Variants in NRG1 observed in about 807,000 individuals in gnomAD.
NRG1 encodes pro-neuregulin-1, membrane-bound isoform.
NRG1 carries 18 observed loss-of-function variants against 63.8 expected under a neutral mutation model. That is an observed-to-expected ratio of 0.28 (90% CI 0.19 to 0.42). The LOEUF (loss-of-function observed/expected upper bound fraction) is 0.42. Among genes scored for constraint, NRG1 ranks in the 10% least tolerant of loss-of-function variants. The probability of loss-of-function intolerance (pLI) is 1.00; values close to 1 mark genes in which losing one functional copy is unlikely to be tolerated. For missense variants in NRG1, 762 were observed against 814.7 expected (o/e 0.94, Z 0.79); for synonymous variants, 302 against 301.3 (o/e 1.00, Z -0.02).
chr8:31,842,267 C>A (rs1264453193), intron 1 of NRG1, among the ~76,000 whole-genome samples: 1 of 152,164 alleles, frequency 6.6e-6, no homozygotes, highest in Non-Finnish European at 1.5e-5. Context: ...CTGCACACAA[C>A]CAGCTACTCA....
intron 1 of NRG1, among the ~76,000 whole-genome samples, chr8:32,386,499 A>G (rs1811044171): frequency 6.6e-6 from 1 of 152,194 alleles, no homozygotes; most frequent in Non-Finnish European, 1.5e-5. Context: ...TTCTTGTTTC[A>G]GTGCTTTTAT....
At position 32,689,964 on chromosome 8, in the gene NRG1, G is replaced by A. The variant is rs1326459805; in HGVS notation, c.503-37985G>A. On this transcript the variant is annotated intron_variant, in intron 5 of 11. Coordinates refer to ENST00000356819, the Ensembl canonical transcript of NRG1. Reference sequence around the variant, plus strand: ...ATTGTCCAGTTTAGAAGAGAGGAACGAGTAGGAAGCTGCTTTGGTTCTGGG... The same window carrying A: ...ATTGTCCAGTTTAGAAGAGAGGAACAAGTAGGAAGCTGCTTTGGTTCTGGG... 3.9e-5 allele frequency among the ~76,000 whole-genome samples: 6 copies of A among 152,302 alleles called. No homozygotes were observed. In the South Asian group the frequency reaches 1.0e-3, roughly 26 times the overall value.
chr8:31,893,105 G>T, intron 1 of NRG1, among the ~76,000 whole-genome samples: 1 of 150,924 alleles, frequency 6.6e-6, no homozygotes. Context: ...GTGTATGTAT[G>T]ATATACTATA....
intron 11 of NRG1, among the ~76,000 whole-genome samples, chr8:32,761,321 A>G (rs1317826217): frequency 6.6e-6 from 1 of 152,160 alleles, no homozygotes; most frequent in East Asian, 1.9e-4. Flanking sequence ...ACCATTTACT[A>G]AAAGGTTTAC....
At chr8:31,967,444 G>A (rs1174797719) in intron 1 of NRG1, among the ~76,000 whole-genome samples, 1 of 152,148 alleles carries the variant, frequency 6.6e-6, no homozygotes, top group Non-Finnish European at 1.5e-5. Flanking sequence ...TCAGACAGTG[G>A]AGTCAGAAGC....
intron 1 of NRG1, among the ~76,000 whole-genome samples, chr8:31,913,160 T>C (rs1414030175): frequency 6.6e-6 from 1 of 152,348 alleles, no homozygotes. Context: ...AGGTCCATTA[T>C]TTCAATATAG....
chr8:31,691,801 A>G (rs182882244), intron 1 of NRG1, among the ~76,000 whole-genome samples: 10 of 152,102 alleles, frequency 6.6e-5, no homozygotes, highest in Non-Finnish European at 1.3e-4. Flanking sequence ...ACAGAGATGA[A>G]TCTAGTTCTT....
At chr8:31,793,042 A>C (rs1482978333) in intron 1 of NRG1, among the ~76,000 whole-genome samples, 1 of 152,226 alleles carries the variant, frequency 6.6e-6, no homozygotes, top group African/African-American at 2.4e-5. Context: ...GCTCATAACC[A>C]ATCATATCTG....
At chr8:32,300,923 C>A (rs528092508) in intron 1 of NRG1, among the ~76,000 whole-genome samples, 49 of 152,298 alleles carry the variant, frequency 3.2e-4, no homozygotes, top group African/African-American at 1.2e-3. Flanking sequence ...TGAACATTTT[C>A]TGTAAGCTAC....
At chr8:31,804,252 TAG>T (rs1822063291) in intron 1 of NRG1, among the ~76,000 whole-genome samples, 1 of 152,226 alleles carries the variant, frequency 6.6e-6, no homozygotes, top group African/African-American at 2.4e-5. Context: ...GGCCTCTGTG[TAG>T]AGTTTCAGAA....
intron 1 of NRG1, among the ~76,000 whole-genome samples, chr8:32,292,088 G>C (rs1217498453): frequency 6.6e-6 from 1 of 152,102 alleles, no homozygotes; most frequent in Non-Finnish European, 1.5e-5. Context: ...ACAGGAAGAA[G>C]ACCAGAGTAG....
In NRG1 at chr8:32,410,121, A is replaced by G. The variant is rs148376793; in HGVS notation, c.38-185707A>G. Among the ~76,000 whole-genome samples the G allele has an allele frequency of 1.8e-4, 27 of 151,718 alleles. No homozygotes were observed. The East Asian group carries it at 4.6e-3, about 26-fold the overall frequency. On this transcript the variant is annotated intron_variant, in intron 1 of 10. Coordinates refer to the NRG1 transcript ENST00000519301. Reference sequence around the variant, plus strand: ...AAAAACTGAGACAGGAGATTGGGCTAAGTTGTCAGTGATTCACCCCCATTC... The same window carrying G: ...AAAAACTGAGACAGGAGATTGGGCTGAGTTGTCAGTGATTCACCCCCATTC...
chr8:31,922,806 T>C (rs1410993548), intron 1 of NRG1, among the ~76,000 whole-genome samples: 1 of 152,042 alleles, frequency 6.6e-6, no homozygotes, highest in Non-Finnish European at 1.5e-5. Flanking sequence ...ATGTGCCAGG[T>C]GTTGGAAGAT....
At chr8:32,124,532 G>A (rs1015834934) in intron 1 of NRG1, among the ~76,000 whole-genome samples, 1 of 151,868 alleles carries the variant, frequency 6.6e-6, no homozygotes, top group African/African-American at 2.4e-5. Flanking sequence ...AAAAAAAAAT[G>A]TAGAAACTAA....
At chr8:31,814,856 G>T (rs932096455) in intron 1 of NRG1, among the ~76,000 whole-genome samples, 2 of 151,904 alleles carry the variant, frequency 1.3e-5, no homozygotes, top group African/African-American at 4.8e-5. Context: ...TATTTCTCTT[G>T]TTCTGCTCCC....
chr8:32,508,693 T>C (rs1040224221), intron 1 of NRG1, among the ~76,000 whole-genome samples: 5 of 152,176 alleles, frequency 3.3e-5, no homozygotes, highest in Non-Finnish European at 7.3e-5. Flanking sequence ...ATTTATTTTT[T>C]ATACTTGTAT....
chr8:32,693,444 C>T (rs1169044178), intron 5 of NRG1, among the ~76,000 whole-genome samples: 2 of 151,650 alleles, frequency 1.3e-5, no homozygotes, highest in African/African-American at 4.8e-5. Context: ...TCTTGATCTC[C>T]TGACCTTGTG....
intron 1 of NRG1, among the ~76,000 whole-genome samples, chr8:32,344,602 A>ATTTTTTTTTTTTTTT (rs61448713): frequency 6.9e-5 from 7 of 101,186 alleles, no homozygotes; most frequent in African/African-American, 1.7e-4. Flanking sequence ...ACACTCAGCT[A>ATTTTTTTTTTTTTTT]TTTTTTTTTT....
intron 1 of NRG1, among the ~76,000 whole-genome samples, chr8:32,216,535 A>G (rs765382954): frequency 6.7e-6 from 1 of 149,866 alleles, no homozygotes; most frequent in Non-Finnish European, 1.5e-5. Context: ...AGTTTAGAAC[A>G]TAAATTCTAT....
Sources: allele counts gnomAD v4.1 joint callset (sites outside exome capture counted in the v4.1 genomes callset), GRCh38; gene constraint gnomAD v4.1.1; transcripts MANE v1.5; gene names NCBI Gene and HGNC (gene_info 2026-07-23, HGNC 2026-07-21).